Variants in COMMD10 observed in about 807,000 individuals in gnomAD.
COMMD10 encodes the protein COMM domain-containing protein 10.
In COMMD10, 33 loss-of-function variants were observed where a neutral mutation model predicts 28.9. That is an observed-to-expected ratio of 1.14 (90% CI 0.87 to 1.53). COMMD10 has a LOEUF of 1.53. COMMD10 is among the 40% of genes most tolerant of loss of function. COMMD10 has a pLI of 0.00. For missense variants in COMMD10, 310 were observed against 233.4 expected, an observed-to-expected ratio of 1.33 and a Z score of -2.14; for synonymous variants, 110 against 81.7, an observed-to-expected ratio of 1.35 and a Z score of -1.87.
chr5:116,237,091 T>C (rs368044488), intron 5 of COMMD10, among the ~76,000 whole-genome samples: 3 of 152,096 alleles, frequency 2.0e-5, no homozygotes, highest in Admixed American at 2.0e-4. Context: ...GAGCAAAGAC[T>C]GTGGCTATCT....
chr5:116,259,898 C>G (rs926787236), intron 5 of COMMD10, among the ~76,000 whole-genome samples: 1 of 151,650 alleles, frequency 6.6e-6, no homozygotes, highest in African/African-American at 2.4e-5. Context: ...CTCTGAGCCT[C>G]TATAGCAGAC....
chr5:116,268,213 T>G (rs962758372), intron 5 of COMMD10, among the ~76,000 whole-genome samples: 1 of 151,848 alleles, frequency 6.6e-6, no homozygotes, highest in Non-Finnish European at 1.5e-5. Context: ...GACAAAGGGC[T>G]AATATCCAGA....
intron 5 of COMMD10, among the ~76,000 whole-genome samples, chr5:116,198,872 T>G (rs1450792250): frequency 6.6e-6 from 1 of 152,190 alleles, no homozygotes; most frequent in Admixed American, 6.5e-5. Flanking sequence ...AAAGACATCT[T>G]GATTGCTTTC....
chr5:116,192,330 A>G (rs1044910578), intron 5 of COMMD10, among the ~76,000 whole-genome samples: 7 of 150,322 alleles, frequency 4.7e-5, no homozygotes, highest in African/African-American at 1.7e-4. Context: ...TCCCTGATTT[A>G]CCTGAAAAAG....
chr5:116,283,659 G>T (rs62384461), intron 5 of COMMD10, among the ~76,000 whole-genome samples: 15,823 of 151,384 alleles, frequency 0.1, 1,018 homozygotes, highest in African/African-American at 0.15. Flanking sequence ...TTATTTTGAG[G>T]CCTGGCCTCA....
chr5:116,234,904 T>C (rs568897357), intron 5 of COMMD10, among the ~76,000 whole-genome samples: 1 of 152,198 alleles, frequency 6.6e-6, no homozygotes, highest in Admixed American at 6.5e-5. Flanking sequence ...ACAGCTCTGC[T>C]AAGCCGCCAC....
At chr5:116,209,522 G>C (rs919082788) in intron 5 of COMMD10, among the ~76,000 whole-genome samples, 8 of 152,112 alleles carry the variant, frequency 5.3e-5, no homozygotes, top group Non-Finnish European at 8.8e-5. Flanking sequence ...AGAAATAATA[G>C]ACCAGGAGCA....
intron 5 of COMMD10, among the ~76,000 whole-genome samples, chr5:116,230,544 T>C (rs772427752): frequency 6.6e-6 from 1 of 152,072 alleles, no homozygotes; most frequent in African/African-American, 2.4e-5. Flanking sequence ...TACATCACGA[T>C]GTTAGTGAAA....
chr5:116,087,681 C>T (rs1455489673), intron 2 of COMMD10, 94 bp downstream of exon 2: 6 of 807,944 alleles, frequency 7.4e-6, no homozygotes, highest in African/African-American at 1.7e-5. Flanking sequence ...GCATAGTGTT[C>T]TCCAATATGT....
At chr5:116,215,144 G>A (rs1323601794) in intron 5 of COMMD10, among the ~76,000 whole-genome samples, 4 of 151,642 alleles carry the variant, frequency 2.6e-5, no homozygotes, top group East Asian at 1.9e-4. Context: ...TATACTTTTG[G>A]TATCTCTCAT....
chr5:116,169,214 A>G (rs959425390), intron 5 of COMMD10, among the ~76,000 whole-genome samples: 1 of 152,186 alleles, frequency 6.6e-6, no homozygotes, highest in African/African-American at 2.4e-5. Context: ...AGAATACTAT[A>G]AACACCTCTA....
intron 5 of COMMD10, among the ~76,000 whole-genome samples, chr5:116,144,745 A>C (rs146338651): frequency 1.0e-3 from 157 of 152,018 alleles, no homozygotes; most frequent in Middle Eastern, 6.8e-3. Flanking sequence ...TGAGAGGAGA[A>C]GAAAGAAACC....
At chr5:116,164,023 A>G (rs1232453759) in intron 5 of COMMD10, among the ~76,000 whole-genome samples, 4 of 152,168 alleles carry the variant, frequency 2.6e-5, no homozygotes, top group Non-Finnish European at 5.9e-5. Context: ...CTTAGTCAAT[A>G]TAACACTCTG....
intron 5 of COMMD10, among the ~76,000 whole-genome samples, chr5:116,198,489 G>C (rs1325110548): frequency 6.6e-6 from 1 of 152,088 alleles, no homozygotes; most frequent in Non-Finnish European, 1.5e-5. Flanking sequence ...CCCTATTAGA[G>C]TGATATGTTT....
intron 5 of COMMD10, among the ~76,000 whole-genome samples, chr5:116,287,165 T>C (rs2112714428): frequency 6.6e-6 from 1 of 151,806 alleles, no homozygotes; most frequent in African/African-American, 2.4e-5. Flanking sequence ...AGGGAAAAAA[T>C]GGCTTTGTTG....
At chr5:116,109,179 A>C (rs1474750105) in intron 4 of COMMD10, among the ~76,000 whole-genome samples, 3 of 151,758 alleles carry the variant, frequency 2.0e-5, no homozygotes, top group Non-Finnish European at 4.4e-5. Context: ...AGTTCTTTTG[A>C]CCCATGAGCA....
chr5:116,260,885 T>A (rs143183192), intron 5 of COMMD10, among the ~76,000 whole-genome samples: 10 of 151,928 alleles, frequency 6.6e-5, no homozygotes, highest in African/African-American at 2.2e-4. Flanking sequence ...GAGTAAGTAT[T>A]GTGTCTTTGT....
At chr5:116,101,719 C>T (rs796337938) in intron 4 of COMMD10, among the ~76,000 whole-genome samples, 12 of 152,268 alleles carry the variant, frequency 7.9e-5, no homozygotes, top group Admixed American at 2.0e-4. Context: ...CCACTGCGCC[C>T]GGACTTTCTT....
At chr5:116,156,683 TTAATC>T (rs1199050406) in intron 5 of COMMD10, among the ~76,000 whole-genome samples, 2 of 152,212 alleles carry the variant, frequency 1.3e-5, no homozygotes, top group Non-Finnish European at 2.9e-5. Flanking sequence ...TAGGCATTCT[TTAATC>T]TAATTCCATA....
Sources: allele counts gnomAD v4.1 joint callset (sites outside exome capture counted in the v4.1 genomes callset), GRCh38; gene constraint gnomAD v4.1.1; transcripts MANE v1.5; gene names NCBI Gene and HGNC (gene_info 2026-07-23, HGNC 2026-07-21).